Variants in TNFRSF19 observed in about 807,000 individuals in gnomAD.
TNFRSF19 encodes TNF receptor superfamily member 19.
A neutral mutation model predicts 46.4 loss-of-function variants in TNFRSF19; 27 were observed. That is an observed-to-expected ratio of 0.58 (90% CI 0.43 to 0.80). TNFRSF19 has a LOEUF of 0.80. TNFRSF19 is among the 30% of genes least tolerant of loss of function. TNFRSF19 has a pLI of 0.00. For missense variants in TNFRSF19, 511 were observed against 530.8 expected (o/e 0.96, Z 0.37); for synonymous variants, 204 against 205.0 (o/e 1.00, Z 0.04).
In TNFRSF19 at chr13:23,673,588, GA is replaced by G. The variant is rs1161118603; in HGVS notation, c.*209del. ...GAAACCTCAATGAATAACAAGAAAA[GA>G]CTCCAGGCCGACTCATGATACTCTG... On this transcript the variant is annotated 3_prime_UTR_variant, in exon 10 of 10. Coordinates refer to ENST00000248484, the MANE Select transcript of TNFRSF19 (RefSeq NM_148957.4). 2 of 1,245,772 alleles carry G rather than the reference GA, an allele frequency of 1.6e-6. No individual in the cohort carries two copies. Among genetic ancestry groups the G allele is most frequent in the Non-Finnish European group, 1.0e-6 (1 of 990,690 alleles). The allele number at this position is 1,245,772 out of a possible 1,614,324, so 77.2% of individuals were successfully genotyped here. A position where few individuals can be genotyped will look rare whatever the true frequency, so the allele number is the denominator to read the frequency against.
chr13:23,590,121 T>G, intron 1 of TNFRSF19, 29 bp from the exon 2 acceptor site: 1 of 1,144,438 alleles, frequency 8.7e-7, no homozygotes, highest in Non-Finnish European at 1.3e-6. Context: ...GTTTTTAATA[T>G]TAACTGCATC....
intron 3 of TNFRSF19, among the ~76,000 whole-genome samples, chr13:23,595,512 G>T (rs1879656770): frequency 6.6e-6 from 1 of 152,118 alleles, no homozygotes; most frequent in Admixed American, 6.6e-5. Context: ...GGATATCAGA[G>T]ATTGAAAATC....
chr13:23,610,896 G>A (rs1160793768), intron 3 of TNFRSF19, among the ~76,000 whole-genome samples: 1 of 151,822 alleles, frequency 6.6e-6, no homozygotes, highest in Non-Finnish European at 1.5e-5. Context: ...CAAGGATTCG[G>A]GGAAGTACTG....
intron 4 of TNFRSF19, among the ~76,000 whole-genome samples, chr13:23,621,692 C>T (rs2138274478): frequency 6.6e-6 from 1 of 152,156 alleles, no homozygotes; most frequent in Admixed American, 6.5e-5. Context: ...GTTAAAAATT[C>T]CTCTTCATTG....
In TNFRSF19 at chr13:23,588,540, T is replaced by C. The variant is rs559096566; in HGVS notation, c.-34-1610T>C. Among the ~76,000 whole-genome samples the C allele has an allele frequency of 3.3e-5, 5 of 152,342 alleles. No homozygotes were observed. In the South Asian group the frequency reaches 1.0e-3, roughly 32 times the overall value. On this transcript the variant is annotated intron_variant, in intron 1 of 9. Coordinates refer to ENST00000248484, the MANE Select transcript of TNFRSF19 (RefSeq NM_148957.4). ...ACTGATTGACTTGTCAATTTCTTTG[T>C]CTCATATTTTGTGTAAATGCTTTGG...
At chr13:23,579,972 C>T (rs1036069360) in intron 1 of TNFRSF19, among the ~76,000 whole-genome samples, 2 of 152,232 alleles carry the variant, frequency 1.3e-5, no homozygotes, top group East Asian at 3.9e-4. Context: ...CGGACCAGCG[C>T]CAGCGGCGGG....
chr13:23,607,699 T>G (rs1880609190), intron 3 of TNFRSF19, among the ~76,000 whole-genome samples: 1 of 152,166 alleles, frequency 6.6e-6, no homozygotes, highest in Non-Finnish European at 1.5e-5. Flanking sequence ...CAAATAACTT[T>G]TATTGTAACA....
chr13:23,626,675 G>A (rs1175884978), intron 4 of TNFRSF19, 32 bp from the exon 5 acceptor site: 1 of 1,604,908 alleles, frequency 6.2e-7, no homozygotes. Context: ...AGATGAAAGA[G>A]TTAACAAGGA....
chr13:23,575,393 T>C (rs1877888620), intron 1 of TNFRSF19, among the ~76,000 whole-genome samples: 2 of 152,212 alleles, frequency 1.3e-5, no homozygotes, highest in South Asian at 4.1e-4. Context: ...ATGGTGAAGA[T>C]TATGTTAAGA....
chr13:23,606,976 G>A (rs1880552946), intron 3 of TNFRSF19, among the ~76,000 whole-genome samples: 1 of 152,162 alleles, frequency 6.6e-6, no homozygotes, highest in South Asian at 2.1e-4. Context: ...GGATATTAAA[G>A]TCAGATAAAT....
chr13:23,579,056 C>G (rs900615792), intron 1 of TNFRSF19, among the ~76,000 whole-genome samples: 2 of 152,214 alleles, frequency 1.3e-5, no homozygotes, highest in Non-Finnish European at 2.9e-5. Context: ...GGGAACACCC[C>G]GGCGGAAAGG....
chr13:23,623,473 A>G (rs1362019321), intron 4 of TNFRSF19, among the ~76,000 whole-genome samples: 2 of 152,258 alleles, frequency 1.3e-5, no homozygotes, highest in African/African-American at 4.8e-5. Context: ...ACAGTAGTGG[A>G]ATTGCTGGAT....
At chr13:23,626,628 G>A in intron 4 of TNFRSF19, 79 bp from the exon 5 acceptor site, 2 of 1,358,512 alleles carry the variant, frequency 1.5e-6, no homozygotes, top group Non-Finnish European at 2.1e-6. Context: ...ACTGGTAATG[G>A]AGACTGCTGG....
chr13:23,610,940 A>G (rs931174747), intron 3 of TNFRSF19, among the ~76,000 whole-genome samples: 2 of 152,198 alleles, frequency 1.3e-5, no homozygotes, highest in Non-Finnish European at 2.9e-5. Context: ...GTACCAGGTC[A>G]TAATTTCAAG....
intron 5 of TNFRSF19, 70 bp downstream of exon 5, chr13:23,626,862 G>T (rs1882049899): frequency 1.3e-6 from 2 of 1,505,090 alleles, no homozygotes; most frequent in Non-Finnish European, 1.8e-6. Context: ...ATTTGTAAAC[G>T]TTTCTTCTCT....
intron 5 of TNFRSF19, among the ~76,000 whole-genome samples, chr13:23,636,411 G>A (rs990415512): frequency 9.2e-5 from 14 of 152,142 alleles, no homozygotes; most frequent in African/African-American, 3.1e-4. Context: ...TATTAATGAA[G>A]TGCTGCAGAA....
chr13:23,614,785 T>TATACCTGGCA (rs112230235), intron 3 of TNFRSF19, among the ~76,000 whole-genome samples: 3,124 of 122,382 alleles, frequency 0.026, 133 homozygotes, highest in African/African-American at 0.09. Flanking sequence ...TGGCAGGCCC[T>TATACCTGGCA]GTAGTGTAGT....
chr13:23,626,700 C>T lies in TNFRSF19; in HGVS notation c.360-7C>T, dbSNP rs1882036283. ...GTTAACAAGGAGTATTTTCCTTTCTCTTCTAGATTTTATAGGAAGACGAAA... is the reference window on the plus strand; with the variant it reads ...GTTAACAAGGAGTATTTTCCTTTCTTTTCTAGATTTTATAGGAAGACGAAA... On this transcript the variant is annotated splice_region_variant and splice_polypyrimidine_tract_variant and intron_variant, in intron 4 of 9. Coordinates refer to ENST00000248484, the MANE Select transcript of TNFRSF19 (RefSeq NM_148957.4). 6.2e-7 allele frequency: 1 copy of T among 1,613,868 alleles called. No individual in the cohort carries two copies. The highest frequency in any genetic ancestry group is 1.7e-4 in the Middle Eastern group (1 of 6,058).
At chr13:23,671,230 A>C (rs1435287835) in intron 9 of TNFRSF19, among the ~76,000 whole-genome samples, 1 of 152,228 alleles carries the variant, frequency 6.6e-6, no homozygotes, top group South Asian at 2.1e-4. Flanking sequence ...CTTTCAACTC[A>C]AATCATTATG....
Sources: allele counts gnomAD v4.1 joint callset (sites outside exome capture counted in the v4.1 genomes callset), GRCh38; gene constraint gnomAD v4.1.1; transcripts MANE v1.5; gene names NCBI Gene and HGNC (gene_info 2026-07-23, HGNC 2026-07-21).